Variants in ZNF599 observed in about 807,000 individuals in gnomAD.
The protein encoded by ZNF599 is zinc finger protein 599.
Under a neutral mutation model 11.7 loss-of-function variants are expected in ZNF599, and 10 were observed. The ratio of observed to expected loss-of-function variants is 0.86; its 90% CI spans 0.53 to 1.45. ZNF599 has a LOEUF of 1.45. Among genes scored for constraint, ZNF599 ranks in the 40% most tolerant of loss-of-function variants. The pLI, the probability that ZNF599 is intolerant of heterozygous loss-of-function variation, is 0.00. For synonymous variants in ZNF599, 232 were observed against 253.2 expected (o/e 0.92, Z 0.79); for missense variants, 688 against 713.6 (o/e 0.96, Z 0.41).
chr19:34,760,897 T>C (rs1195676644), intron 3 of ZNF599, among the ~76,000 whole-genome samples: 1 of 152,072 alleles, frequency 6.6e-6, no homozygotes, highest in African/African-American at 2.4e-5. Flanking sequence ...GCTATGACAA[T>C]GTAGGGAGGA....
At chr19:34,763,373 G>A (rs923115979) in intron 3 of ZNF599, 2 of 152,214 alleles carry the variant, frequency 1.3e-5, no homozygotes, top group African/African-American at 4.8e-5. Context: ...ATGAAAGTCA[G>A]AGGGGGGCCA....
chr19:34,765,767 T>C (rs1019014667), intron 3 of ZNF599: 2 of 678,754 alleles, frequency 2.9e-6, no homozygotes, highest in Non-Finnish European at 5.4e-6. Context: ...CGGTGATACA[T>C]GGAACATGTG....
the ZNF599 span, among the ~76,000 whole-genome samples, chr19:34,785,111 A>G: frequency 1.1e-4 from 17 of 151,448 alleles, no homozygotes; most frequent in Non-Finnish European, 1.9e-4. Flanking sequence ...GCCACTTAAA[A>G]TCTCCCCTAC....
the ZNF599 span, chr19:34,779,366 G>T: frequency 2.7e-6 from 1 of 372,508 alleles, no homozygotes; most frequent in South Asian, 2.0e-5. Context: ...CACCCTAACT[G>T]CTGGGATTAC....
the ZNF599 span, among the ~76,000 whole-genome samples, chr19:34,805,731 A>G: frequency 6.6e-6 from 1 of 152,134 alleles, no homozygotes; most frequent in Non-Finnish European, 1.5e-5. Flanking sequence ...CATTGCTCCT[A>G]TGCCATTGCT....
chr19:34,779,384 A>G, the ZNF599 span: 1 of 420,022 alleles, frequency 2.4e-6, no homozygotes, highest in South Asian at 1.7e-5. Context: ...TACAGGTGTG[A>G]GCCATCATGC....
the ZNF599 span, among the ~76,000 whole-genome samples, chr19:34,804,569 G>A: frequency 1.3e-5 from 2 of 152,220 alleles, no homozygotes; most frequent in Non-Finnish European, 2.9e-5. Context: ...CCTTCTGGAT[G>A]TCTCTATTCT....
At chr19:34,801,204 A>G in the ZNF599 span, among the ~76,000 whole-genome samples, 1 of 152,340 alleles carries the variant, frequency 6.6e-6, no homozygotes, top group East Asian at 1.9e-4. Context: ...CTCTTCCACT[A>G]TCACAGTAAC....
chr19:34,770,733 G>A (rs748626719), intron 1 of ZNF599, among the ~76,000 whole-genome samples: 6 of 152,186 alleles, frequency 3.9e-5, no homozygotes, highest in Admixed American at 1.3e-4. Flanking sequence ...GGTGAGAATG[G>A]GATGTTGGCA....
At chr19:34,762,403 A>G (rs1424639347) in intron 3 of ZNF599, among the ~76,000 whole-genome samples, 1 of 152,228 alleles carries the variant, frequency 6.6e-6, no homozygotes, top group Non-Finnish European at 1.5e-5. Flanking sequence ...TGAAATGGGT[A>G]TAACCATTTT....
chr19:34,767,377 T>C lies in ZNF599; in HGVS notation c.180A>G (p.Leu60=), dbSNP rs764497564. The change falls in exon 3 of 4, where the codon CTA becomes CTG. Residue 60 remains leucine (L), a synonymous_variant. Coordinates refer to ENST00000329285, the MANE Select transcript of ZNF599 (RefSeq NM_001007248.3). ...HPVPKPELIY[L]LEHGQELWTV... is the part of the protein sequence containing the mutation. ...TCCACAGTTCCTGTCCATGTTCCAGTAGATAGATCAGCTCTGGTTTGGGAA... is the reference window on the plus strand; with the variant it reads ...TCCACAGTTCCTGTCCATGTTCCAGCAGATAGATCAGCTCTGGTTTGGGAA... 5 of 1,614,078 alleles carry C rather than the reference T, an allele frequency of 3.1e-6. No homozygotes were observed. Among genetic ancestry groups the C allele is most frequent in the Non-Finnish European group, 4.2e-6 (5 of 1,179,982 alleles).
chr19:34,776,519 A>G (rs1247450910), upstream of ZNF599, among the ~76,000 whole-genome samples: 2 of 152,222 alleles, frequency 1.3e-5, no homozygotes, highest in African/African-American at 4.8e-5. Context: ...GAGTTTTATA[A>G]ACTAATTAGC....
the ZNF599 span, among the ~76,000 whole-genome samples, chr19:34,789,842 CT>C: frequency 6.6e-6 from 1 of 152,056 alleles, no homozygotes; most frequent in African/African-American, 2.4e-5. Context: ...TGTGCAAAAC[CT>C]TTTTAGTTTG....
In ZNF599 at chr19:34,758,929, C is replaced by G. The variant is rs1376016612; in HGVS notation, c.*105G>C. 1 of 1,245,594 alleles carries G rather than the reference C, an allele frequency of 8.0e-7. No homozygotes were observed. Among genetic ancestry groups the G allele is most frequent in the Non-Finnish European group, 1.1e-6 (1 of 893,532 alleles). 77.2% of individuals were successfully genotyped at this position (1,245,594 alleles called of 1,614,324 possible). On this transcript the variant is annotated 3_prime_UTR_variant, in exon 4 of 4. Transcript: ENST00000329285. ...AATTATCAGATACTAAGACATCTCT[C>G]TGGCCAAAATATTTCCCTCAATAGT...
At chr19:34,784,532 G>T in the ZNF599 span, among the ~76,000 whole-genome samples, 3 of 152,146 alleles carry the variant, frequency 2.0e-5, no homozygotes, top group Non-Finnish European at 4.4e-5. Flanking sequence ...TCCCAACATG[G>T]TGGTGATCCT....
intron 3 of ZNF599, among the ~76,000 whole-genome samples, chr19:34,766,172 G>A (rs972019423): frequency 6.6e-6 from 1 of 152,172 alleles, no homozygotes; most frequent in Non-Finnish European, 1.5e-5. Flanking sequence ...GGCTGACTGA[G>A]CAGGCAAGAA....
chr19:34,807,495 C>T, the ZNF599 span, among the ~76,000 whole-genome samples: 2 of 152,216 alleles, frequency 1.3e-5, no homozygotes, highest in African/African-American at 4.8e-5. Context: ...GACAAGGCTT[C>T]CTGTTGCCTT....
rs1325288984 is a variant in ZNF599 at position 34,758,094 on chromosome 19, AT to A, written c.*939del. 6.6e-6 allele frequency: 1 copy of A among 152,124 alleles called. No homozygotes were observed. The highest frequency in any genetic ancestry group is 1.5e-5 in the Non-Finnish European group (1 of 68,040). 9.4% of individuals were successfully genotyped at this position (152,124 alleles called of 1,614,324 possible). A position where few individuals can be genotyped will look rare whatever the true frequency, so the allele number is the denominator to read the frequency against. ...AACATGCTATAATTAAAATATTTTT[AT>A]TATAAAGAATAATTATAATTATTCA... On this transcript the variant is annotated 3_prime_UTR_variant, in exon 4 of 4. Transcript: ENST00000329285.
chr19:34,802,971 C>T, the ZNF599 span, among the ~76,000 whole-genome samples: 4 of 152,146 alleles, frequency 2.6e-5, no homozygotes, highest in Admixed American at 2.6e-4. Flanking sequence ...CAAAAACAAC[C>T]TCAGAGGAGG....
Sources: gnomAD v4.1 joint callset for allele counts (sites outside exome capture counted in the v4.1 genomes callset) on GRCh38, gnomAD v4.1.1 for gene constraint, MANE v1.5 for transcripts, NCBI Gene and HGNC (gene_info 2026-07-23, HGNC 2026-07-21) for gene names.